The following MTAP variants were observed in gnomAD, a reference collection of about 807,000 sequenced individuals.
MTAP encodes the protein S-methyl-5'-thioadenosine phosphorylase.
In MTAP, 33 loss-of-function variants were observed where a neutral mutation model predicts 33.6. The observed-to-expected ratio is 0.98, with a 90% CI of 0.74 to 1.31. The LOEUF is 1.31. Ranked by LOEUF, MTAP falls within the 40% of genes most tolerant of loss-of-function variation. MTAP has a pLI of 0.00. For missense variants in MTAP, 367 were observed against 360.0 expected, an observed-to-expected ratio of 1.02 and a Z score of -0.16; for synonymous variants, 148 against 125.7, an observed-to-expected ratio of 1.18 and a Z score of -1.19.
chr9:21,835,679 T>A (rs1407059563), intron 4 of MTAP, among the ~76,000 whole-genome samples: 1 of 152,202 alleles, frequency 6.6e-6, no homozygotes, highest in Non-Finnish European at 1.5e-5. Context: ...ATTAAAATTA[T>A]ACACATTTCA....
downstream of MTAP, among the ~76,000 whole-genome samples, chr9:21,871,839 GA>G (rs1208450500): frequency 1.3e-5 from 2 of 152,122 alleles, no homozygotes; most frequent in African/African-American, 4.8e-5. Flanking sequence ...CCCAGATAGT[GA>G]AAACTGGAAG....
chr9:21,811,566 G>A (rs73429337), intron 1 of MTAP: 13,517 of 377,792 alleles, frequency 0.036, 1,719 homozygotes, highest in African/African-American at 0.26. Context: ...CAGATTGTGC[G>A]TGAATAAAGG....
At chr9:21,803,030 A>ACACACACACACACACACACACC (rs1291326035) in intron 1 of MTAP, 2 of 1,006,528 alleles carry the variant, frequency 2.0e-6, no homozygotes, top group Non-Finnish European at 2.6e-6. Flanking sequence ...ACACACACAC[A>ACACACACACACACACACACACC]CACACACCAC....
chr9:21,935,727 A>G (rs1365995666), downstream of MTAP: 3 of 152,104 alleles, frequency 2.0e-5, no homozygotes, highest in Non-Finnish European at 4.4e-5. Context: ...AGTTTGTCCC[A>G]TGTCACTGGA....
downstream of MTAP, chr9:21,934,257 G>A (rs1819007090): frequency 2.0e-5 from 3 of 152,154 alleles, no homozygotes; most frequent in Admixed American, 6.5e-5. This position sits in a 1 kb window ranked among gnomAD's most constrained non-coding sequence, Gnocchi z 5.0. Flanking sequence ...GCCAAGACTC[G>A]GCTATTGTTA....
chr9:21,859,478 C>T, intron 7 of MTAP, 53 bp downstream of exon 7: 7 of 1,527,626 alleles, frequency 4.6e-6, no homozygotes, highest in Non-Finnish European at 6.1e-6. Flanking sequence ...CTATTGTCTT[C>T]TTTTCTTACT....
At chr9:21,893,821 A>G (rs1818238304) in intron 1 of MTAP, 1 of 151,842 alleles carries the variant, frequency 6.6e-6, no homozygotes, top group Non-Finnish European at 1.5e-5. Context: ...CCATATGTAA[A>G]AAACAAAAGG....
chr9:21,886,807 T>G (rs1818118566), intron 1 of MTAP, among the ~76,000 whole-genome samples: 1 of 152,244 alleles, frequency 6.6e-6, no homozygotes, highest in Non-Finnish European at 1.5e-5. Flanking sequence ...GTGCCTGTTT[T>G]TATACCAGTA....
chr9:21,830,492 GT>G (rs1054120758), intron 4 of MTAP, among the ~76,000 whole-genome samples: 13 of 152,194 alleles, frequency 8.5e-5, no homozygotes, highest in Admixed American at 3.9e-4. Flanking sequence ...GTAAAAGATG[GT>G]TAGGAGTGGG....
Position 21,865,136 on chromosome 9 carries a change from A to G in MTAP, c.*3122A>G, listed in dbSNP as rs1443729383. 6 of 964,314 alleles carry G rather than the reference A, an allele frequency of 6.2e-6. No homozygotes were observed. In the East Asian group the frequency reaches 5.7e-4, roughly 92 times the overall value. The allele number at this position is 964,314 out of a possible 1,614,324, so 59.7% of individuals were successfully genotyped here. On this transcript the variant is annotated 3_prime_UTR_variant, in exon 8 of 8. Coordinates refer to ENST00000644715, the MANE Select transcript of MTAP (RefSeq NM_002451.4). ...GAATTGTAGTTCCCATAATCCCCAC[A>G]TGTTGTGGGAGGGACCCAGTGGGAG... is the stretch of plus-strand genomic sequence containing the variant.
chr9:21,903,287 A>G (rs1194188985), intron 1 of MTAP, among the ~76,000 whole-genome samples: 3 of 152,214 alleles, frequency 2.0e-5, no homozygotes, highest in Non-Finnish European at 4.4e-5. Flanking sequence ...GCTTTCGTGA[A>G]CAAGTTATCC....
In MTAP at chr9:21,865,942, T is replaced by G; in HGVS notation, c.*3928T>G. The G allele has an allele frequency of 2.9e-6, 1 of 341,210 alleles. No homozygotes were observed. Among genetic ancestry groups the G allele is most frequent in the Non-Finnish European group, 4.2e-6 (1 of 240,562 alleles). The allele number at this position is 341,210 out of a possible 1,614,324, so 21.1% of individuals were successfully genotyped here. On this transcript the variant is annotated 3_prime_UTR_variant, in exon 8 of 8. Transcript: ENST00000644715. ...TTTGAATTTTTTCCATTTGAGGAATTTTATGAATAAAGCTGCTATAAGCAT... is the reference window on the plus strand; with the variant it reads ...TTTGAATTTTTTCCATTTGAGGAATGTTATGAATAAAGCTGCTATAAGCAT...
At chr9:21,930,006 C>A in intron 1 of MTAP, 1 of 423,668 alleles carries the variant, frequency 2.4e-6, no homozygotes. Context: ...CTTCAGGCAA[C>A]TTTGCTAATT....
At chr9:21,827,097 G>T (rs1196635270) in intron 4 of MTAP, among the ~76,000 whole-genome samples, 1 of 152,176 alleles carries the variant, frequency 6.6e-6, no homozygotes, top group East Asian at 1.9e-4. Context: ...AAGATTAGGG[G>T]CAGCTGTACT....
intron 1 of MTAP, among the ~76,000 whole-genome samples, chr9:21,927,733 A>T (rs1818892132): frequency 6.6e-6 from 1 of 152,178 alleles, no homozygotes; most frequent in South Asian, 2.1e-4. Flanking sequence ...CAACTAGCTG[A>T]CCCATCACAT....
intron 1 of MTAP, among the ~76,000 whole-genome samples, chr9:21,876,525 C>T (rs1470983929): frequency 1.3e-5 from 2 of 151,962 alleles, no homozygotes; most frequent in Non-Finnish European, 2.9e-5. Flanking sequence ...GTCTTTAATC[C>T]ATCTTGAGTT....
chr9:21,917,410 G>C (rs1313142596), intron 1 of MTAP, among the ~76,000 whole-genome samples: 2 of 152,194 alleles, frequency 1.3e-5, no homozygotes, highest in Non-Finnish European at 2.9e-5. Flanking sequence ...TGCAATGTTA[G>C]TAGGTCAAGG....
intron 1 of MTAP, among the ~76,000 whole-genome samples, chr9:21,909,873 G>T (rs1818541712): frequency 6.6e-6 from 1 of 152,060 alleles, no homozygotes; most frequent in Non-Finnish European, 1.5e-5. Context: ...TATGTAACTT[G>T]CCCAAGCCAC....
chr9:21,871,697 C>T (rs1377570903), downstream of MTAP, among the ~76,000 whole-genome samples: 1 of 152,070 alleles, frequency 6.6e-6, no homozygotes, highest in Admixed American at 6.6e-5. Flanking sequence ...ACCTCAAATC[C>T]CTTCTTCCCA....
Sources: gnomAD v4.1 joint callset for allele counts (sites outside exome capture counted in the v4.1 genomes callset) on GRCh38, gnomAD v4.1.1 for gene constraint, Gnocchi (gnomAD v3.1) non-coding constraint, MANE v1.5 for transcripts, NCBI Gene and HGNC (gene_info 2026-07-23, HGNC 2026-07-21) for gene names.